BTBD9: variants seen among roughly 807,000 people sequenced by gnomAD.
BTBD9 encodes BTB/POZ domain-containing protein 9.
Under a neutral mutation model 64.3 loss-of-function variants are expected in BTBD9, and 49 were observed. The observed-to-expected ratio is 0.76, with a 90% CI of 0.61 to 0.97. BTBD9 has a LOEUF of 0.97. Among genes scored for constraint, BTBD9 ranks in the 50% least tolerant of loss-of-function variants. The pLI is 0.00. For synonymous variants in BTBD9, 260 were observed against 274.7 expected (o/e 0.95, Z 0.53); for missense variants, 598 against 762.1 (o/e 0.78, Z 2.53).
chr6:38,338,317 T>C lies in BTBD9; in HGVS notation c.1264+6667A>G, dbSNP rs774598017. Among the ~76,000 whole-genome samples the C allele has an allele frequency of 1.2e-4, 18 of 152,190 alleles. 1 individual carries two copies. Among genetic ancestry groups the C allele is most frequent in the African/African-American group, 4.3e-4 (18 of 41,452 alleles). On this transcript the variant is annotated intron_variant, in intron 7 of 10. Transcript: ENST00000481247. Reference sequence around the variant, plus strand: ...TTTCATCATGCTACCAGGAATGGCATGCAGTTTAAAACTTATGAATTGTTT... The same window carrying C: ...TTTCATCATGCTACCAGGAATGGCACGCAGTTTAAAACTTATGAATTGTTT...
rs115168716 is a variant in BTBD9, at chr6:38,375,803, T to G, written c.1155-30710A>C. Among the ~76,000 whole-genome samples, 948 of 151,906 alleles carry G rather than the reference T, an allele frequency of 6.2e-3. 11 individuals carry two copies. Among genetic ancestry groups the G allele is most frequent in the African/African-American group, 0.019 (791 of 41,430 alleles). On this transcript the variant is annotated intron_variant, in intron 6 of 10. Transcript: ENST00000481247. ...GAAGTAGTAGGTTTTGGACATCAGT[T>G]TATTACTAAAATAAAAATGTAAATT...
intron 6 of BTBD9, among the ~76,000 whole-genome samples, chr6:38,511,227 T>C (rs1013073173): frequency 1.6e-4 from 25 of 152,126 alleles, no homozygotes; most frequent in South Asian, 1.4e-3. Flanking sequence ...GAAAAACTCC[T>C]ACTTATCCTT....
Position 38,415,455 on chromosome 6 carries a change from G to A in BTBD9, c.1155-70362C>T, listed in dbSNP as rs1392427038. Among the ~76,000 whole-genome samples, 37 of 152,124 alleles carry A rather than the reference G, an allele frequency of 2.4e-4. 1 individual carries two copies. The highest frequency in any genetic ancestry group is 2.4e-3 in the Admixed American group (37 of 15,260). On this transcript the variant is annotated intron_variant, in intron 6 of 10. Transcript: ENST00000481247. ...TTTCTCCCTTAGAGCCTCTAGAAAG[G>A]AATGCAGCCCTGATGACATCTTGAT... is the stretch of plus-strand genomic sequence containing the variant.
chr6:38,585,744 A>G (rs1273014845), intron 4 of BTBD9, among the ~76,000 whole-genome samples: 1 of 152,218 alleles, frequency 6.6e-6, no homozygotes, highest in Non-Finnish European at 1.5e-5. Context: ...TAGCAAAACA[A>G]AAGTCTAGAT....
chr6:38,631,790 C>A (rs1739626), intron 1 of BTBD9, among the ~76,000 whole-genome samples: 102,148 of 152,070 alleles, frequency 0.67, 34,995 homozygotes, highest in African/African-American at 0.82. Context: ...TACCCAGCTA[C>A]GCTGGTTCTG....
chr6:38,281,171 T>C (rs1761501519), intron 8 of BTBD9, among the ~76,000 whole-genome samples: 1 of 152,234 alleles, frequency 6.6e-6, no homozygotes, highest in South Asian at 2.1e-4. Context: ...TTTTTTACAG[T>C]TCCTCTCCTT....
At chr6:38,564,901 A>G (rs1217415285) in intron 6 of BTBD9, among the ~76,000 whole-genome samples, 1 of 152,008 alleles carries the variant, frequency 6.6e-6, no homozygotes, top group African/African-American at 2.4e-5. Flanking sequence ...CAAAAAAAAT[A>G]AATAAATAAA....
intron 9 of BTBD9, among the ~76,000 whole-genome samples, chr6:38,220,698 C>G (rs1162772924): frequency 6.6e-6 from 1 of 152,110 alleles, no homozygotes; most frequent in African/African-American, 2.4e-5. Context: ...ATAATTCTTC[C>G]TTTTACAATG....
chr6:38,459,079 T>C (rs13191167), intron 6 of BTBD9, among the ~76,000 whole-genome samples: 1 of 152,130 alleles, frequency 6.6e-6, no homozygotes, highest in African/African-American at 2.4e-5. Flanking sequence ...AGTGCAATGG[T>C]GTGATCTCGG....
intron 7 of BTBD9, among the ~76,000 whole-genome samples, chr6:38,344,294 A>G (rs1442773761): frequency 6.6e-6 from 1 of 152,144 alleles, no homozygotes; most frequent in Non-Finnish European, 1.5e-5. Flanking sequence ...CAACGCCCAG[A>G]CTACCCATTA....
At chr6:38,462,223 C>A (rs1410540646) in intron 6 of BTBD9, among the ~76,000 whole-genome samples, 1 of 151,978 alleles carries the variant, frequency 6.6e-6, no homozygotes, top group Non-Finnish European at 1.5e-5. Context: ...ATCTTAAATA[C>A]GTTTGCCTAA....
chr6:38,375,724 G>C (rs116114371), intron 6 of BTBD9, among the ~76,000 whole-genome samples: 37 of 152,188 alleles, frequency 2.4e-4, no homozygotes, highest in Admixed American at 1.6e-3. Flanking sequence ...GTTTGGTTGC[G>C]AAGGATAAAC....
intron 9 of BTBD9, among the ~76,000 whole-genome samples, chr6:38,217,923 A>G (rs991884824): frequency 1.3e-5 from 2 of 152,046 alleles, no homozygotes; most frequent in African/African-American, 4.8e-5. Context: ...CTGCTGCTCC[A>G]TTGTACCCAA....
At chr6:38,468,660 TCAA>T (rs1399564158) in intron 6 of BTBD9, among the ~76,000 whole-genome samples, 2 of 152,190 alleles carry the variant, frequency 1.3e-5, no homozygotes, top group Non-Finnish European at 2.9e-5. Flanking sequence ...TCTGTAACTC[TCAA>T]GTTTCCCTAG....
In BTBD9 at chr6:38,371,001, T is replaced by C. The variant is rs1174979906; in HGVS notation, c.1155-25908A>G. 2.6e-5 allele frequency among the ~76,000 whole-genome samples: 4 copies of C among 152,194 alleles called. No homozygotes were observed. The South Asian group carries it at 8.3e-4, about 32-fold the overall frequency. On this transcript the variant is annotated intron_variant, in intron 6 of 10. Transcript: ENST00000481247. The stretch of plus-strand genomic sequence containing the variant: ...CTAAAAGGACCTTGCTCCTGGCATG[T>C]GTTTTTCTCATCTGAGAATTTTTTT...
rs1766610784 is a variant in BTBD9 at position 38,168,486 on chromosome 6, A to G, written c.*6499T>C. On this transcript the variant is annotated 3_prime_UTR_variant, in exon 11 of 11. Transcript: ENST00000481247. ...GTCACCACTTTATTTCTAAGAGAAA[A>G]CCTGCATTTTCACACACATGGACTC... 2.0e-5 allele frequency: 3 copies of G among 151,916 alleles called. No homozygotes were observed. The South Asian group carries it at 6.2e-4, about 31-fold the overall frequency. 9.4% of individuals were successfully genotyped at this position (151,916 alleles called of 1,614,324 possible).
chr6:38,421,082 C>A (rs1767884108), intron 6 of BTBD9, among the ~76,000 whole-genome samples: 1 of 95,884 alleles, frequency 1.0e-5, no homozygotes, highest in African/African-American at 3.4e-5. Flanking sequence ...TAGGGCTGGA[C>A]ACAGTGGCTC....
In BTBD9 at chr6:38,171,731, A is replaced by C. The variant is rs1447437573; in HGVS notation, c.*3254T>G. On this transcript the variant is annotated 3_prime_UTR_variant, in exon 11 of 11. Coordinates refer to ENST00000481247, the MANE Select transcript of BTBD9 (RefSeq NM_001099272.2). ...TGGACACAGCTGCTGCCCAGCACAC[A>C]CCCTACCTGCCCTACACTCTCAGTC... 2 of 148,452 alleles carry C rather than the reference A, an allele frequency of 1.3e-5. No individual in the cohort carries two copies. The highest frequency in any genetic ancestry group is 2.5e-5 in the African/African-American group (1 of 40,042). The allele number at this position is 148,452 out of a possible 1,614,324, so 9.2% of individuals were successfully genotyped here. A position where few individuals can be genotyped will look rare whatever the true frequency, so the allele number is the denominator to read the frequency against.
intron 6 of BTBD9, among the ~76,000 whole-genome samples, chr6:38,371,780 T>G (rs1765439400): frequency 6.6e-6 from 1 of 152,132 alleles, no homozygotes; most frequent in South Asian, 2.1e-4. Flanking sequence ...GTCCAATAAG[T>G]ATGGTGTGAC....
Sources: allele counts gnomAD v4.1 joint callset (sites outside exome capture counted in the v4.1 genomes callset), GRCh38; gene constraint gnomAD v4.1.1; transcripts MANE v1.5; gene names NCBI Gene and HGNC (gene_info 2026-07-23, HGNC 2026-07-21).